The following IZUMO1 variants were observed in gnomAD, a reference collection of about 807,000 sequenced individuals.
IZUMO1 encodes izumo sperm-egg fusion protein 1.
Under a neutral mutation model 40.7 loss-of-function variants are expected in IZUMO1, and 44 were observed. The ratio of observed to expected loss-of-function variants is 1.08; its 90% CI spans 0.85 to 1.39. IZUMO1 has a LOEUF of 1.39. Ranked by LOEUF, IZUMO1 falls within the 40% of genes most tolerant of loss-of-function variation. The pLI is 0.00. For synonymous variants in IZUMO1, 149 were observed against 170.9 expected (o/e 0.87, Z 1.00); for missense variants, 368 against 436.9 (o/e 0.84, Z 1.41).
Position 48,742,245 on chromosome 19 carries a change from C to G in IZUMO1, c.564G>C (p.Gln188His), listed in dbSNP as rs2033725148. 1 of 1,614,166 alleles carries G rather than the reference C, an allele frequency of 6.2e-7. No homozygotes were observed. The highest frequency in any genetic ancestry group is 1.7e-5 in the Admixed American group (1 of 60,026). ...TGTAATCAGTGAGGCCTTCCGAAGCCTGATGCCAGTTTAACTCACAGTCCA... is the reference window on the plus strand; with the variant it reads ...TGTAATCAGTGAGGCCTTCCGAAGCGTGATGCCAGTTTAACTCACAGTCCA... ...MILDCELNWHQASEGLTDYSF... is the reference protein window; with the variant it reads ...MILDCELNWHHASEGLTDYSF... The change falls in exon 7 of 10, where the codon CAG (glutamine) becomes CAC (histidine). Residue 188 changes from glutamine (Q) to histidine (H), a missense_variant. Physicochemically the swap from Gln to His is conservative, Grantham distance 24. Transcript: ENST00000332955.
At chr19:48,745,140 G>T in intron 3 of IZUMO1, 74 bp downstream of exon 3, 2 of 1,260,490 alleles carry the variant, frequency 1.6e-6, no homozygotes, top group South Asian at 2.4e-5. Context: ...CCTAGTATCT[G>T]ACCAAGAGAC....
At position 48,741,127 on chromosome 19, in the gene IZUMO1, C is replaced by A; in HGVS notation, c.933-99G>T. Reference sequence around the variant, plus strand: ...CTCCCCCTTTGTGACCTTATTCTAGCAATTACCTAAGCCTCGCCCTTCGAA... The same window carrying A: ...CTCCCCCTTTGTGACCTTATTCTAGAAATTACCTAAGCCTCGCCCTTCGAA... On this transcript the variant is annotated intron_variant, in intron 9 of 9. Transcript: ENST00000332955. The surrounding 1 kb of genome is among the most constrained non-coding windows in gnomAD (Gnocchi z 4.4). The A allele has an allele frequency of 6.4e-7, 1 of 1,553,914 alleles. No homozygotes were observed. The highest frequency in any genetic ancestry group is 8.8e-7 in the Non-Finnish European group (1 of 1,139,028).
chr19:48,742,020 G>A, intron 7 of IZUMO1, 78 bp from the exon 8 acceptor site: 1 of 1,539,524 alleles, frequency 6.5e-7, no homozygotes, highest in Non-Finnish European at 8.8e-7. Flanking sequence ...AAGATCACAG[G>A]GCCTCAGTGT....
rs776013087 is a variant in IZUMO1, at chr19:48,741,870, G to T, written c.673C>A (p.Pro225Thr). The T allele has an allele frequency of 1.2e-6, 2 of 1,612,836 alleles. No homozygotes were observed. The highest frequency in any genetic ancestry group is 1.7e-6 in the Non-Finnish European group (2 of 1,179,048). The part of the protein sequence containing the change: ...EATLTKPMVG[P>T]EDAGSYRCEL... ...CAGCGGTAGCTGCCTGCATCCTCTG[G>T]ACCCACCATGGGCTTGGTCAGGGTG... The change falls in exon 8 of 10, where the codon CCA becomes ACA. Residue 225 changes from proline to threonine, a missense_variant. Physicochemically the swap from Pro to Thr is conservative, Grantham distance 38 (BLOSUM62 -1). Transcript: ENST00000332955. The surrounding 1 kb of genome is among the most constrained non-coding windows in gnomAD (Gnocchi z 4.4).
intron 3 of IZUMO1, among the ~76,000 whole-genome samples, 169 bp downstream of exon 3, chr19:48,745,045 G>T (rs2033837680): frequency 6.6e-6 from 1 of 152,114 alleles, no homozygotes; most frequent in South Asian, 2.1e-4. Context: ...TTAGAGCCAA[G>T]GGAGCTTCAA....
rs1409000157 is a variant in IZUMO1, at chr19:48,741,992, G to A, written c.601-50C>T. The A allele has an allele frequency of 3.9e-6, 6 of 1,545,910 alleles. No individual in the cohort carries two copies. The highest frequency in any genetic ancestry group is 2.0e-5 in the Admixed American group (1 of 51,074). On this transcript the variant is annotated intron_variant, in intron 7 of 9. Coordinates refer to ENST00000332955, the MANE Select transcript of IZUMO1 (RefSeq NM_182575.3). This position sits in a 1 kb window ranked among gnomAD's most constrained non-coding sequence, Gnocchi z 4.4. The stretch of plus-strand genomic sequence containing the variant: ...TGAGGCCTGAGGAATTCAGGGGTTG[G>A]GGGAGTACAGGGGTGAGAAGATCAC...
chr19:48,741,164 C>T lies in IZUMO1; in HGVS notation c.933-136G>A. 6.9e-7 allele frequency: 1 copy of T among 1,459,142 alleles called. No individual in the cohort carries two copies. Among genetic ancestry groups the T allele is most frequent in the South Asian group, 1.3e-5 (1 of 77,480 alleles). 90.4% of individuals were successfully genotyped at this position (1,459,142 alleles called of 1,614,324 possible). A position where few individuals can be genotyped will look rare whatever the true frequency, so the allele number is the denominator to read the frequency against. On this transcript the variant is annotated intron_variant, in intron 9 of 9. Coordinates refer to ENST00000332955, the MANE Select transcript of IZUMO1 (RefSeq NM_182575.3). This position sits in a 1 kb window ranked among gnomAD's most constrained non-coding sequence, Gnocchi z 4.4. ...CCTCGCCCTTCGAAGTCCTCCTATTCAAGCCCCCCGCACTCCATCCCCAGG... is the reference window on the plus strand; with the variant it reads ...CCTCGCCCTTCGAAGTCCTCCTATTTAAGCCCCCCGCACTCCATCCCCAGG...
rs1018233707 is a variant in IZUMO1 at position 48,746,676 on chromosome 19, G to A, written c.-315C>T. 2.0e-4 allele frequency: 196 copies of A among 985,390 alleles called. No homozygotes were observed. Among genetic ancestry groups the A allele is most frequent in the Non-Finnish European group, 2.3e-4 (191 of 829,962 alleles). 61.0% of individuals were successfully genotyped at this position (985,390 alleles called of 1,614,324 possible). On this transcript the variant is annotated 5_prime_UTR_variant, in exon 1 of 10. Transcript: ENST00000332955. ...AACACTAGGGTTCATTGAGGAGCCCGGTCCAGGTTCTGAGGGCTTTTAAAG... is the reference window on the plus strand; with the variant it reads ...AACACTAGGGTTCATTGAGGAGCCCAGTCCAGGTTCTGAGGGCTTTTAAAG...
intron 3 of IZUMO1, 22 bp from the exon 4 acceptor site, chr19:48,744,561 C>T (rs368315109): frequency 1.9e-6 from 3 of 1,552,074 alleles, no homozygotes; most frequent in African/African-American, 2.7e-5. Context: ...CAGGAACCCC[C>T]AATCCCACGT....
rs1224345476 is a variant in IZUMO1 at position 48,744,641 on chromosome 19, G to A, written c.311-102C>T. 3 of 828,718 alleles carry A rather than the reference G, an allele frequency of 3.6e-6. No homozygotes were observed. The East Asian group carries it at 7.5e-5, about 21-fold the overall frequency. 51.3% of individuals were successfully genotyped at this position (828,718 alleles called of 1,614,324 possible). A position where few individuals can be genotyped will look rare whatever the true frequency, so the allele number is the denominator to read the frequency against. On this transcript the variant is annotated intron_variant, in intron 3 of 9. Coordinates refer to ENST00000332955, the MANE Select transcript of IZUMO1 (RefSeq NM_182575.3). ...TACTTCCTGGCCTTCTCAGGAAAGG[G>A]CGCTACAACTGACCGTCTAACATAA...
chr19:48,745,266 C>T lies in IZUMO1; in HGVS notation c.258G>A (p.Gly86=). The change falls in exon 3 of 10, where the codon GGG becomes GGA. Residue 86 remains glycine (G), a synonymous_variant. Coordinates refer to ENST00000332955, the MANE Select transcript of IZUMO1 (RefSeq NM_182575.3). ...GVVDEATLQK[G]SWSLLKDLKR... ...TCAGATCCTTCAGCAAACTCCAGGA[C>T]CCCTTTTGCAGTGTGGCCTCATCTG... is the stretch of plus-strand genomic sequence containing the variant. The T allele has an allele frequency of 6.2e-7, 1 of 1,614,022 alleles. No homozygotes were observed. The highest frequency in any genetic ancestry group is 8.5e-7 in the Non-Finnish European group (1 of 1,179,966).
Position 48,740,939 on chromosome 19 carries a change from T to G in IZUMO1, c.1022A>C (p.Lys341Thr). The G allele has an allele frequency of 6.2e-7, 1 of 1,614,142 alleles. No individual in the cohort carries two copies. Among genetic ancestry groups the G allele is most frequent in the Non-Finnish European group, 8.5e-7 (1 of 1,179,970 alleles). The change falls in exon 10 of 10, where the codon AAA becomes ACA. Residue 341 changes from lysine to threonine, a missense_variant. Coordinates refer to ENST00000332955, the MANE Select transcript of IZUMO1 (RefSeq NM_182575.3). This position sits in a 1 kb window ranked among gnomAD's most constrained non-coding sequence, Gnocchi z 5.5. ...SGAAEQTQVP[K>T]EKATDSRQQ The stretch of plus-strand genomic sequence containing the variant: ...TTGCCTCGAATCTGTGGCCTTTTCT[T>G]TTGGGACCTGGGTTTGCTCGGCCGC...
chr19:48,746,181 A>G (rs993129308), intron 1 of IZUMO1: 10 of 1,180,372 alleles, frequency 8.5e-6, no homozygotes, highest in African/African-American at 1.6e-5. Context: ...TAAGTCCCCA[A>G]ACTCAGAACC....
chr19:48,741,682 C>T lies in IZUMO1; in HGVS notation c.754+107G>A. 1 of 1,401,714 alleles carries T rather than the reference C, an allele frequency of 7.1e-7. No homozygotes were observed. The highest frequency in any genetic ancestry group is 9.5e-7 in the Non-Finnish European group (1 of 1,050,146). The allele number at this position is 1,401,714 out of a possible 1,614,324, so 86.8% of individuals were successfully genotyped here. A position where few individuals can be genotyped will look rare whatever the true frequency, so the allele number is the denominator to read the frequency against. ...AGCCACACCCCGTGCCCCGAAACCACACCCAACAGGAAGTCACGCCCCCAT... is the reference window on the plus strand; with the variant it reads ...AGCCACACCCCGTGCCCCGAAACCATACCCAACAGGAAGTCACGCCCCCAT... On this transcript the variant is annotated intron_variant, in intron 8 of 9. Coordinates refer to ENST00000332955, the MANE Select transcript of IZUMO1 (RefSeq NM_182575.3). This position sits in a 1 kb window ranked among gnomAD's most constrained non-coding sequence, Gnocchi z 4.4.
Position 48,744,555 on chromosome 19 carries a change from A to C in IZUMO1, c.311-16T>G, listed in dbSNP as rs2033820804. ...AAGAGATCGCCTGGGAAGACACAGG[A>C]ACCCCCAATCCCACGTGTGAGGTGT... On this transcript the variant is annotated splice_polypyrimidine_tract_variant and intron_variant, in intron 3 of 9. Transcript: ENST00000332955. The C allele has an allele frequency of 1.3e-6, 2 of 1,580,560 alleles. No individual in the cohort carries two copies. Among genetic ancestry groups the C allele is most frequent in the African/African-American group, 2.7e-5 (2 of 74,438 alleles).
At chr19:48,742,033 G>A in intron 7 of IZUMO1, 91 bp from the exon 8 acceptor site, 1 of 1,537,408 alleles carries the variant, frequency 6.5e-7, no homozygotes, top group Non-Finnish European at 8.8e-7. Context: ...CTCAGTGTGG[G>A]AGGTGAGTGT....
chr19:48,743,390 C>T lies in IZUMO1; in HGVS notation c.499+55G>A, dbSNP rs777992354. 99 of 1,568,990 alleles carry T rather than the reference C, an allele frequency of 6.3e-5. No individual in the cohort carries two copies. The Middle Eastern group carries it at 1.5e-3, about 24-fold the overall frequency. On this transcript the variant is annotated intron_variant, in intron 6 of 9. Transcript: ENST00000332955. ...TCTAGGCTCTCTCTAGACTGCCTCT[C>T]CTCTCGCCCCACCCCACCTGCACCA...
chr19:48,743,579 G>A, intron 5 of IZUMO1, 54 bp from the exon 6 acceptor site: 1 of 1,378,696 alleles, frequency 7.3e-7, no homozygotes, highest in Admixed American at 1.7e-5. Flanking sequence ...ATGGCTAAAA[G>A]GAGAGGTCAG....
At chr19:48,742,330 T>G (rs759160919) in intron 6 of IZUMO1, 21 bp from the exon 7 acceptor site, 1 of 1,529,822 alleles carries the variant, frequency 6.5e-7, no homozygotes, top group East Asian at 2.2e-5. Flanking sequence ...GGGATGACCA[T>G]GGGACACTCA....
Sources: allele counts gnomAD v4.1 joint callset (sites outside exome capture counted in the v4.1 genomes callset), GRCh38; gene constraint gnomAD v4.1.1; non-coding constraint Gnocchi (gnomAD v3.1); transcripts MANE v1.5; gene names NCBI Gene and HGNC (gene_info 2026-07-23, HGNC 2026-07-21).